UBR1: variants seen among roughly 807,000 people sequenced by gnomAD.
The protein encoded by UBR1 is E3 ubiquitin-protein ligase UBR1.
A neutral mutation model predicts 242.1 loss-of-function variants in UBR1; 102 were observed. The ratio of observed to expected loss-of-function variants is 0.42; its 90% CI spans 0.36 to 0.50. The LOEUF is 0.50. Ranked by LOEUF, UBR1 falls within the 20% of genes least tolerant of loss-of-function variation. The pLI, the probability that UBR1 is intolerant of heterozygous loss-of-function variation, is 0.01. For synonymous variants in UBR1, 675 were observed against 684.8 expected (o/e 0.99, Z 0.22); for missense variants, 1,772 against 2,101.8 (o/e 0.84, Z 3.07).
At chr15:43,024,693 G>A (rs1414897169) in intron 25 of UBR1, 136 bp downstream of exon 25, 3 of 1,235,100 alleles carry the variant, frequency 2.4e-6, no homozygotes, top group African/African-American at 1.5e-5. Flanking sequence ...TTTGTGCTGT[G>A]TGTAAGCTAT....
intron 21 of UBR1, among the ~76,000 whole-genome samples, chr15:43,029,498 T>C (rs1281422592): frequency 6.6e-6 from 1 of 152,216 alleles, no homozygotes; most frequent in Non-Finnish European, 1.5e-5. Context: ...GGAAAGGCCA[T>C]TGAAGCCCAG....
chr15:43,003,771 T>C, intron 31 of UBR1, 66 bp downstream of exon 31: 2 of 1,456,810 alleles, frequency 1.4e-6, no homozygotes, highest in Non-Finnish European at 1.9e-6. Context: ...ACATGCCTTT[T>C]TGTGGCCTTG....
chr15:43,066,200 C>T (rs1231451551), intron 6 of UBR1, among the ~76,000 whole-genome samples: 6 of 152,150 alleles, frequency 3.9e-5, no homozygotes, highest in African/African-American at 1.2e-4. Context: ...GCCAGTTATC[C>T]TAGCACCATT....
intron 3 of UBR1, among the ~76,000 whole-genome samples, chr15:43,079,071 AG>A (rs1466053789): frequency 1.3e-5 from 2 of 152,256 alleles, no homozygotes; most frequent in Admixed American, 6.5e-5. Flanking sequence ...AGTAAAAAGT[AG>A]GATCAGAGAG....
At chr15:42,975,116 G>C (rs1034452740) in intron 39 of UBR1, among the ~76,000 whole-genome samples, 6 of 151,932 alleles carry the variant, frequency 3.9e-5, no homozygotes, top group Non-Finnish European at 8.8e-5. Flanking sequence ...GGCTGGTCTC[G>C]AACTCCTGAC....
chr15:42,963,710 A>G (rs2032059809), intron 42 of UBR1, among the ~76,000 whole-genome samples: 1 of 124,808 alleles, frequency 8.0e-6, no homozygotes, highest in African/African-American at 3.1e-5. Context: ...AGCTGTGGGG[A>G]AAGTAAATAA....
intron 33 of UBR1, among the ~76,000 whole-genome samples, chr15:42,994,134 T>C (rs560519383): frequency 1.3e-5 from 2 of 152,322 alleles, no homozygotes; most frequent in Non-Finnish European, 2.9e-5. Flanking sequence ...TTTTGAGCTC[T>C]CTTTTGTTAA....
intron 5 of UBR1, 53 bp from the exon 6 acceptor site, chr15:43,068,089 T>TAAAAAAAAAAAAAAAAAAAAAAAAAAA: frequency 1.0e-5 from 8 of 787,320 alleles, no homozygotes; most frequent in South Asian, 6.2e-5. Context: ...AAAGGAAAAG[T>TAAAAAAAAAAAAAAAAAAAAAAAAAAA]AAAAAAAAAA....
chr15:43,005,579 G>A lies in UBR1; in HGVS notation c.3415+1500C>T, dbSNP rs965311918. Among the ~76,000 whole-genome samples, 48 of 151,856 alleles carry A rather than the reference G, an allele frequency of 3.2e-4. 1 individual carries two copies. In the East Asian group the frequency reaches 5.0e-3, roughly 16 times the overall value. On this transcript the variant is annotated intron_variant, in intron 30 of 46. Coordinates refer to ENST00000290650, the MANE Select transcript of UBR1 (RefSeq NM_174916.3). The stretch of plus-strand genomic sequence containing the variant: ...AGCCCCTCTGCCCGGCCACCACCCC[G>A]TCTGGGAGGTGTACCCAACAGCTCA...
intron 5 of UBR1, among the ~76,000 whole-genome samples, chr15:43,069,282 T>A (rs2033793888): frequency 7.3e-6 from 1 of 136,966 alleles, no homozygotes; most frequent in Non-Finnish European, 1.6e-5. Flanking sequence ...GTGTTCAGTA[T>A]TTTTTTTTTT....
Position 43,015,749 on chromosome 15 carries a change from G to T in UBR1, c.3148C>A (p.Leu1050Ile). The change falls in exon 29 of 47, where the codon CTC becomes ATC. Residue 1050 changes from leucine (L) to isoleucine (I), a missense_variant. Coordinates refer to ENST00000290650, the MANE Select transcript of UBR1 (RefSeq NM_174916.3). ...LQKNFIETHK[L>I]MYDNTSEMPG... Reference sequence around the variant, plus strand: ...ATTTCTGATGTATTGTCATACATGAGTTTATGAGTTTCAATGAAGTTTTTC... The same window carrying T: ...ATTTCTGATGTATTGTCATACATGATTTTATGAGTTTCAATGAAGTTTTTC... The T allele has an allele frequency of 1.9e-6, 3 of 1,614,118 alleles. No individual in the cohort carries two copies. Among genetic ancestry groups the T allele is most frequent in the Non-Finnish European group, 2.5e-6 (3 of 1,180,028 alleles).
chr15:43,074,167 AAG>A (rs2141349350), intron 4 of UBR1, among the ~76,000 whole-genome samples: 1 of 152,368 alleles, frequency 6.6e-6, no homozygotes, highest in South Asian at 2.1e-4. Flanking sequence ...AAATCATTAA[AAG>A]AGTATTTTAT....
At chr15:43,073,293 T>C (rs1255724078) in intron 4 of UBR1, among the ~76,000 whole-genome samples, 5 of 152,208 alleles carry the variant, frequency 3.3e-5, no homozygotes, top group Non-Finnish European at 7.3e-5. Flanking sequence ...TTTTTCCCCT[T>C]ATGACTAGCA....
intron 42 of UBR1, among the ~76,000 whole-genome samples, chr15:42,961,989 C>G (rs904120836): frequency 6.7e-6 from 1 of 149,406 alleles, no homozygotes; most frequent in East Asian, 2.0e-4. Context: ...TGGTCTCAAA[C>G]TCCTGACCTC....
intron 21 of UBR1, among the ~76,000 whole-genome samples, chr15:43,029,125 G>GCGCACACACACACACA (rs750364868): frequency 2.6e-4 from 39 of 151,068 alleles, no homozygotes; most frequent in African/African-American, 8.8e-4. Flanking sequence ...ACACACACAC[G>GCGCACACACACACACA]CACACACACA....
At chr15:43,074,108 C>T (rs1163034351) in intron 4 of UBR1, among the ~76,000 whole-genome samples, 1 of 152,178 alleles carries the variant, frequency 6.6e-6, no homozygotes, top group Non-Finnish European at 1.5e-5. Flanking sequence ...AAAAATATTG[C>T]ACTCTATACT....
rs1048926567 is a variant in UBR1 at position 43,032,047 on chromosome 15, A to G, written c.2254+521T>C. Among the ~76,000 whole-genome samples the G allele has an allele frequency of 4.6e-5, 7 of 152,170 alleles. 1 individual carries two copies. The highest frequency in any genetic ancestry group is 4.6e-4 in the Admixed American group (7 of 15,266). On this transcript the variant is annotated intron_variant, in intron 20 of 46. Coordinates refer to ENST00000290650, the MANE Select transcript of UBR1 (RefSeq NM_174916.3). ...AGACTCCGTCTCAAAAAAACAAAAC[A>G]AAACAAAACAGAACAAGATGATGGC... is the stretch of plus-strand genomic sequence containing the variant.
chr15:43,086,437 G>GAA lies in UBR1; in HGVS notation c.82-199_82-198dup, dbSNP rs370942763. Among the ~76,000 whole-genome samples, 154 of 86,074 alleles carry GAA rather than the reference G, an allele frequency of 1.8e-3. 2 individuals are homozygous for GAA. Among genetic ancestry groups the GAA allele is most frequent in the African/African-American group, 5.2e-3 (129 of 24,868 alleles). 56.5% of individuals were successfully genotyped at this position (86,074 alleles called of 152,430 possible). ...AACTGCTCACATACCACCAGTATCTGAAAAAAAAAAAAAAAAAAAGAAGAG... is the reference window on the plus strand; with the variant it reads ...AACTGCTCACATACCACCAGTATCTGAAAAAAAAAAAAAAAAAAAAAGAAGAG... On this transcript the variant is annotated intron_variant, in intron 1 of 46. Transcript: ENST00000290650.
rs751148703 is a variant in UBR1, at chr15:42,966,173, G to A, written c.4571C>T (p.Pro1524Leu). The A allele has an allele frequency of 2.5e-5, 40 of 1,613,932 alleles. No individual in the cohort carries two copies. Among genetic ancestry groups the A allele is most frequent in the African/African-American group, 6.7e-5 (5 of 74,864 alleles). ...CTTACTGGTATGCAGTTCCTCAGGCGGAGTTACCCCAAGTAAATAGTGGAA... is the reference window on the plus strand; with the variant it reads ...CTTACTGGTATGCAGTTCCTCAGGCAGAGTTACCCCAAGTAAATAGTGGAA... ...LFFHYLLGVT[P>L]PEELHTNSAE... The change falls in exon 41 of 47, where the codon CCG becomes CTG. Residue 1524 changes from proline (P) to leucine (L), a missense_variant. By Grantham distance (98) the Pro-to-Leu change is moderately conservative. Around this residue, in one of 3 missense-constraint regions of UBR1, gnomAD observed 965 missense variants for 1,079.7 expected, o/e 0.89. Coordinates refer to ENST00000290650, the MANE Select transcript of UBR1 (RefSeq NM_174916.3).
Sources: gnomAD v4.1 joint callset for allele counts (sites outside exome capture counted in the v4.1 genomes callset) on GRCh38, gnomAD v4.1.1 for gene constraint, gnomAD v4.1.1 regional missense constraint, MANE v1.5 for transcripts, NCBI Gene and HGNC (gene_info 2026-07-23, HGNC 2026-07-21) for gene names.